The following SKAP1 variants were observed in gnomAD, a reference collection of about 807,000 sequenced individuals.
SKAP1 encodes src kinase-associated phosphoprotein 1.
A neutral mutation model predicts 58.5 loss-of-function variants in SKAP1; 44 were observed. That is an observed-to-expected ratio of 0.75 (90% CI 0.59 to 0.97). The LOEUF (loss-of-function observed/expected upper bound fraction) is 0.97, where lower values mean the gene tolerates loss of function less well. Among genes scored for constraint, SKAP1 ranks in the 50% least tolerant of loss-of-function variants. The probability of loss-of-function intolerance (pLI) is 0.00; values close to 1 mark genes in which losing one functional copy is unlikely to be tolerated. For missense variants in SKAP1, 390 were observed against 435.2 expected, an observed-to-expected ratio of 0.90 and a Z score of 0.92; for synonymous variants, 127 against 149.7, an observed-to-expected ratio of 0.85 and a Z score of 1.11.
intron 4 of SKAP1, among the ~76,000 whole-genome samples, chr17:48,251,122 G>A (rs1286517363): frequency 6.6e-6 from 1 of 152,176 alleles, no homozygotes; most frequent in Non-Finnish European, 1.5e-5. Context: ...TTAACTGCAC[G>A]ATACTGTAAT....
chr17:48,286,630 G>A (rs909044064), intron 4 of SKAP1, among the ~76,000 whole-genome samples: 2 of 152,158 alleles, frequency 1.3e-5, no homozygotes, highest in Non-Finnish European at 2.9e-5. Context: ...TTACTGAGTG[G>A]ATCTAAGTTA....
At position 48,430,084 on chromosome 17, in the gene SKAP1, G is replaced by A; in HGVS notation, c.37C>T (p.Leu13Phe). The change falls in exon 1 of 13, where the codon CTC becomes TTC. Residue 13 changes from leucine (L) to phenylalanine (F), a missense_variant. Leu to Phe is a conservative substitution (Grantham distance 22). Transcript: ENST00000336915. ...AAALPEEIRW[L>F]LEDAEEFLAE... ...TGCGCCAGGGCGTTACCTTCCAGGA[G>A]CCAACGGATCTCCTCAGGGAGGGCG... The A allele has an allele frequency of 7.9e-7, 1 of 1,266,878 alleles. No individual in the cohort carries two copies. Among genetic ancestry groups the A allele is most frequent in the Non-Finnish European group, 1.0e-6 (1 of 998,100 alleles). The allele number at this position is 1,266,878 out of a possible 1,614,324, so 78.5% of individuals were successfully genotyped here. A position where few individuals can be genotyped will look rare whatever the true frequency, so the allele number is the denominator to read the frequency against.
chr17:48,443,892 G>A, the SKAP1 span, among the ~76,000 whole-genome samples: 3 of 151,646 alleles, frequency 2.0e-5, 1 homozygote, highest in South Asian at 6.3e-4. Flanking sequence ...TATTAACTTC[G>A]ATTATTAATT....
intron 10 of SKAP1, 96 bp downstream of exon 10, chr17:48,170,513 G>C (rs1427226760): frequency 9.7e-7 from 1 of 1,033,918 alleles, no homozygotes; most frequent in Non-Finnish European, 1.5e-6. Flanking sequence ...TAATTATTGA[G>C]TTCAGTAATT....
chr17:48,277,713 G>T (rs2144019112), intron 4 of SKAP1, among the ~76,000 whole-genome samples: 1 of 152,206 alleles, frequency 6.6e-6, no homozygotes, highest in East Asian at 1.9e-4. Flanking sequence ...TTGCTCTGTT[G>T]CCCAGGCTCC....
At chr17:48,134,911 T>C (rs758095393) in intron 12 of SKAP1, among the ~76,000 whole-genome samples, 4 of 152,048 alleles carry the variant, frequency 2.6e-5, no homozygotes, top group Non-Finnish European at 5.9e-5. Context: ...ACCATGTTGG[T>C]GAGGCCGGTC....
Position 48,184,750 on chromosome 17 carries a change from C to G in SKAP1, c.540G>C (p.Leu180=). 1 of 1,614,036 alleles carries G rather than the reference C, an allele frequency of 6.2e-7. No homozygotes were observed. Among genetic ancestry groups the G allele is most frequent in the Non-Finnish European group, 8.5e-7 (1 of 1,179,950 alleles). Residue 180 remains leucine (L), a synonymous_variant, in exon 7 of 13, where the codon CTG becomes CTC. Coordinates refer to ENST00000336915, the MANE Select transcript of SKAP1 (RefSeq NM_003726.4). ...RDSKKESCFE[L]TSQDRRSYEF... ...CATAGCTGCGCCTATCCTGGGAGGT[C>G]AGTTCAAAGCAGGATTCTTTCTTGG...
At chr17:48,183,417 T>C (rs1275997182) in intron 7 of SKAP1, among the ~76,000 whole-genome samples, 1 of 152,330 alleles carries the variant, frequency 6.6e-6, no homozygotes, top group East Asian at 1.9e-4. Flanking sequence ...CAGTCAAGCA[T>C]CAGCCTTTAG....
At chr17:48,386,865 A>G (rs530615920) in intron 2 of SKAP1, among the ~76,000 whole-genome samples, 1 of 152,344 alleles carries the variant, frequency 6.6e-6, no homozygotes, top group East Asian at 1.9e-4. Context: ...GGAACCACTA[A>G]TATTTCAAAC....
intron 4 of SKAP1, among the ~76,000 whole-genome samples, chr17:48,267,209 A>C (rs1473573065): frequency 1.3e-5 from 2 of 152,198 alleles, no homozygotes; most frequent in African/African-American, 4.8e-5. Flanking sequence ...TTTTAGCTTT[A>C]AGTGAAATTA....
chr17:48,320,875 C>T (rs2066353582), intron 4 of SKAP1, among the ~76,000 whole-genome samples: 1 of 152,068 alleles, frequency 6.6e-6, no homozygotes, highest in African/African-American at 2.4e-5. Flanking sequence ...TTATGCTGGG[C>T]AAGGAGCAGC....
intron 1 of SKAP1, among the ~76,000 whole-genome samples, chr17:48,408,513 G>T (rs1334849038): frequency 6.6e-6 from 1 of 152,004 alleles, no homozygotes; most frequent in Non-Finnish European, 1.5e-5. Flanking sequence ...AAAGCAATCA[G>T]TTTAAGGTTA....
intron 9 of SKAP1, among the ~76,000 whole-genome samples, chr17:48,175,739 G>A (rs2143414507): frequency 6.6e-6 from 1 of 152,336 alleles, no homozygotes. Context: ...ATCTGGGAAG[G>A]TGTCACTGAG....
intron 9 of SKAP1, 122 bp from the exon 10 acceptor site, chr17:48,170,781 GT>G (rs2143366436): frequency 1.2e-6 from 1 of 815,250 alleles, no homozygotes; most frequent in African/African-American, 1.7e-5. Flanking sequence ...ACGATTTTCG[GT>G]TCACTGCAAA....
intron 4 of SKAP1, among the ~76,000 whole-genome samples, chr17:48,233,840 A>G (rs2065151617): frequency 6.6e-6 from 1 of 152,114 alleles, no homozygotes; most frequent in South Asian, 2.1e-4. Flanking sequence ...TGGGTGACAG[A>G]GCAAGACTGT....
At chr17:48,155,274 C>T (rs2063959950) in intron 11 of SKAP1, among the ~76,000 whole-genome samples, 3 of 151,202 alleles carry the variant, frequency 2.0e-5, no homozygotes, top group Admixed American at 6.6e-5. Context: ...ACTACAGGCA[C>T]GCGCCACCAT....
At chr17:48,294,739 T>C (rs1211227075) in intron 4 of SKAP1, among the ~76,000 whole-genome samples, 1 of 152,182 alleles carries the variant, frequency 6.6e-6, no homozygotes, top group African/African-American at 2.4e-5. Context: ...AAGACATCAA[T>C]TATGGCTGTT....
chr17:48,157,583 G>A (rs2063997043), intron 11 of SKAP1, among the ~76,000 whole-genome samples: 1 of 148,504 alleles, frequency 6.7e-6, no homozygotes, highest in African/African-American at 2.5e-5. Context: ...AGGCTGGAGT[G>A]CAGTGGCACT....
At chr17:48,251,197 CA>C (rs1174369104) in intron 4 of SKAP1, among the ~76,000 whole-genome samples, 26 of 152,156 alleles carry the variant, frequency 1.7e-4, no homozygotes, top group Non-Finnish European at 3.4e-4. Flanking sequence ...TTACGAGAAA[CA>C]AAGTGAAAAC....
Sources: allele counts gnomAD v4.1 joint callset (sites outside exome capture counted in the v4.1 genomes callset), GRCh38; gene constraint gnomAD v4.1.1; transcripts MANE v1.5; gene names NCBI Gene and HGNC (gene_info 2026-07-23, HGNC 2026-07-21).